The following ACSL1 variants were observed in gnomAD, a reference collection of about 807,000 sequenced individuals.
The protein encoded by ACSL1 is long-chain-fatty-acid--CoA ligase 1.
ACSL1 carries 41 observed loss-of-function variants against 98.4 expected under a neutral mutation model. The ratio of observed to expected loss-of-function variants is 0.42; its 90% confidence interval spans 0.32 to 0.54. The LOEUF (loss-of-function observed/expected upper bound fraction) is 0.54. Ranked by LOEUF, ACSL1 falls within the 20% of genes least tolerant of loss-of-function variation. ACSL1 has a pLI of 0.13. For synonymous variants in ACSL1, 316 were observed against 322.7 expected, an observed-to-expected ratio of 0.98 and a Z score of 0.22; for missense variants, 734 against 883.1, an observed-to-expected ratio of 0.83 and a Z score of 2.14.
chr4:184,778,269 G>C (rs1422375952), intron 5 of ACSL1, among the ~76,000 whole-genome samples: 1 of 152,186 alleles, frequency 6.6e-6, no homozygotes, highest in Non-Finnish European at 1.5e-5. Context: ...ACAGAAAAAG[G>C]CACAGCCGGG....
intron 3 of ACSL1, 35 bp from the exon 4 acceptor site, chr4:184,784,026 C>A: frequency 6.5e-7 from 1 of 1,539,688 alleles, no homozygotes; most frequent in African/African-American, 1.4e-5. Flanking sequence ...ATGGGCTGAA[C>A]GTACATAAAT....
In ACSL1 at chr4:184,764,878, C is replaced by T. The variant is rs2292898; in HGVS notation, c.1407G>A (p.Leu469=). Residue 469 remains leucine (L), a synonymous_variant, in exon 15 of 21, where the codon CTG becomes CTA. Coordinates refer to ENST00000281455, the MANE Select transcript of ACSL1 (RefSeq NM_001995.5). The part of the protein sequence containing the change: ...GQTECTAGCC[L]TMPGDWTAGH... ...CTGCGGTCCAGTCTCCAGGCATGGT[C>T]AGGCAGCACCCGGCAGTGCACTCTG... The T allele has an allele frequency of 0.69, 1,115,462 of 1,612,740 alleles. 391,197 individuals carry two copies. The highest frequency in any genetic ancestry group is 0.93 in the East Asian group (41,550 of 44,856).
At position 184,773,044 on chromosome 4, in the gene ACSL1, A is replaced by G; in HGVS notation, c.915+37T>C. ...CTTTCATTCTCAAGGACTAATGTCA[A>G]TCAATGAGGAAAGATGACGACATCC... is the stretch of plus-strand genomic sequence containing the variant. On this transcript the variant is annotated intron_variant, in intron 10 of 20. Coordinates refer to ENST00000281455, the MANE Select transcript of ACSL1 (RefSeq NM_001995.5). The surrounding 1 kb of genome is among the most constrained non-coding windows in gnomAD (Gnocchi z 4.3). 1 of 1,589,140 alleles carries G rather than the reference A, an allele frequency of 6.3e-7. No individual in the cohort carries two copies. The highest frequency in any genetic ancestry group is 8.6e-7 in the Non-Finnish European group (1 of 1,157,752).
chr4:184,809,917 G>A (rs146695529), intron 1 of ACSL1, among the ~76,000 whole-genome samples: 126 of 152,274 alleles, frequency 8.3e-4, no homozygotes, highest in African/African-American at 2.9e-3. Context: ...TTGAGGCATC[G>A]AATGGTTTTC....
chr4:184,818,087 G>T (rs1772776699), intron 1 of ACSL1, among the ~76,000 whole-genome samples: 1 of 152,176 alleles, frequency 6.6e-6, no homozygotes. Flanking sequence ...TCCACTGTGA[G>T]GTGCCTGGCT....
chr4:184,822,780 T>C (rs1175893587), intron 1 of ACSL1, among the ~76,000 whole-genome samples: 2 of 152,034 alleles, frequency 1.3e-5, no homozygotes, highest in Admixed American at 1.3e-4. Context: ...TGTCATGATG[T>C]AGAAAATGAA....
At chr4:184,785,105 AT>A (rs1444392754) in intron 3 of ACSL1, among the ~76,000 whole-genome samples, 1 of 152,234 alleles carries the variant, frequency 6.6e-6, no homozygotes, top group East Asian at 1.9e-4. Flanking sequence ...AGCCACACTC[AT>A]TCATTTTTGT....
chr4:184,803,420 C>T lies in ACSL1; in HGVS notation c.95G>A (p.Gly32Asp). The T allele has an allele frequency of 1.2e-6, 2 of 1,614,024 alleles. No homozygotes were observed. Among genetic ancestry groups the T allele is most frequent in the Non-Finnish European group, 1.7e-6 (2 of 1,179,978 alleles). Reference protein sequence around the residue: ...VRTLPTNTLMGFGAFAALTTF... With the variant: ...VRTLPTNTLMDFGAFAALTTF... ...GGTGAGTGCTGCAAAAGCTCCGAAG[C>T]CCATAAGCGTGTTGGTCGGAAGAGT... Residue 32 changes from glycine to aspartate, a missense_variant, in exon 2 of 21, where the codon GGC becomes GAC. Transcript: ENST00000281455. The surrounding 1 kb of genome is among the most constrained non-coding windows in gnomAD (Gnocchi z 4.8).
chr4:184,779,385 C>T (rs1055327155), intron 5 of ACSL1, among the ~76,000 whole-genome samples: 4 of 152,128 alleles, frequency 2.6e-5, no homozygotes, highest in Non-Finnish European at 4.4e-5. Flanking sequence ...ATTCTGAGGC[C>T]CCCCCAGCCA....
chr4:184,800,714 G>A (rs1770348566), intron 2 of ACSL1, among the ~76,000 whole-genome samples: 1 of 152,106 alleles, frequency 6.6e-6, no homozygotes, highest in South Asian at 2.1e-4. Flanking sequence ...CTCCAGACAG[G>A]GCCCTGATCA....
intron 1 of ACSL1, among the ~76,000 whole-genome samples, chr4:184,804,882 C>A (rs1195964962): frequency 6.6e-6 from 1 of 152,172 alleles, no homozygotes; most frequent in Non-Finnish European, 1.5e-5. Flanking sequence ...GTAAAGCACG[C>A]AGGTAAAAAC....
At chr4:184,774,312 T>G (rs1764958486) in intron 7 of ACSL1, among the ~76,000 whole-genome samples, 1 of 152,186 alleles carries the variant, frequency 6.6e-6, no homozygotes, top group Non-Finnish European at 1.5e-5. Context: ...CCCCACATTC[T>G]GCACAACTGA....
rs879058472 is a variant in ACSL1 at position 184,783,826 on chromosome 4, G to A, written c.375+101C>T. 160 of 1,100,080 alleles carry A rather than the reference G, an allele frequency of 1.5e-4. 1 individual carries two copies. Among genetic ancestry groups the A allele is most frequent in the South Asian group, 1.3e-3 (99 of 78,528 alleles). The allele number at this position is 1,100,080 out of a possible 1,614,324, so 68.1% of individuals were successfully genotyped here. ...TACGGCAAGGCTCTGAGCTGGTCCA[G>A]CACATACACTCTGGAGAAACCTTCC... On this transcript the variant is annotated intron_variant, in intron 4 of 20. Coordinates refer to ENST00000281455, the MANE Select transcript of ACSL1 (RefSeq NM_001995.5).
rs773719585 is a variant in ACSL1, at chr4:184,766,733, C to T, written c.1152G>A (p.Thr384=). The part of the protein sequence containing the change: ...FDRIFGQANT[T]LKRWLLDFAS... ...CAAAGTCCAAGAGCCATCGCTTCAG[C>T]GTGGTGTTTGCTTGTCCGAAAATCT... Residue 384 remains threonine, a synonymous_variant, in exon 13 of 21, where the codon ACG becomes ACA. Coordinates refer to ENST00000281455, the MANE Select transcript of ACSL1 (RefSeq NM_001995.5). This position sits in a 1 kb window ranked among gnomAD's most constrained non-coding sequence, Gnocchi z 4.8. The T allele has an allele frequency of 4.3e-6, 7 of 1,613,326 alleles. No homozygotes were observed. The highest frequency in any genetic ancestry group is 1.7e-4 in the Middle Eastern group (1 of 6,046).
chr4:184,819,848 C>A (rs926449851), intron 1 of ACSL1, among the ~76,000 whole-genome samples: 1 of 152,146 alleles, frequency 6.6e-6, no homozygotes, highest in African/African-American at 2.4e-5. Flanking sequence ...CTCTTCCTAA[C>A]AAAGGCCTTC....
At chr4:184,795,312 G>C (rs150338365) in intron 2 of ACSL1, among the ~76,000 whole-genome samples, 73 of 152,278 alleles carry the variant, frequency 4.8e-4, no homozygotes, top group African/African-American at 1.7e-3. Context: ...TTAAACATAA[G>C]TAAATATTAC....
chr4:184,757,806 T>C lies in ACSL1; in HGVS notation c.1884+13A>G, dbSNP rs750836139. The C allele has an allele frequency of 6.2e-7, 1 of 1,613,874 alleles. No homozygotes were observed. Among genetic ancestry groups the C allele is most frequent in the South Asian group, 1.1e-5 (1 of 91,074 alleles). ...GTTATGATGAGGACAGACTGGACCC[T>C]TCAGAACCTTACCTTATTTCTGCAC... On this transcript the variant is annotated intron_variant, in intron 19 of 20. Transcript: ENST00000281455. The surrounding 1 kb of genome is among the most constrained non-coding windows in gnomAD (Gnocchi z 4.5).
At chr4:184,821,050 T>C (rs1010136433) in intron 1 of ACSL1, 1 of 456,200 alleles carries the variant, frequency 2.2e-6, no homozygotes, top group Non-Finnish European at 4.4e-6. Flanking sequence ...ACAGTAAGGA[T>C]AGCAGCAGGA....
rs1766035557 is a variant in ACSL1 at position 184,780,346 on chromosome 4, G to A, written c.463C>T (p.Gln155Ter). 1 of 1,613,446 alleles carries A rather than the reference G, an allele frequency of 6.2e-7. No homozygotes were observed. The highest frequency in any genetic ancestry group is 1.7e-5 in the Admixed American group (1 of 59,964). Residue 155 changes from glutamine to a stop codon, truncating the protein, a stop_gained, in exon 5 of 21, where the codon CAA becomes TAA. Transcript: ENST00000281455. LOFTEE classifies it high-confidence loss of function. The stretch of plus-strand genomic sequence containing the variant: ...CTGGTTCATACCTCAGGTCTATTTT[G>A]AGCAAAGATGCCAATGAACTGATCT... ...APDQFIGIFAQNRPEWVIIEQ... is the reference protein window; with the variant it reads ...APDQFIGIFA
Sources: allele counts gnomAD v4.1 joint callset (sites outside exome capture counted in the v4.1 genomes callset), GRCh38; gene constraint gnomAD v4.1.1; non-coding constraint Gnocchi (gnomAD v3.1); transcripts MANE v1.5; gene names NCBI Gene and HGNC (gene_info 2026-07-23, HGNC 2026-07-21).